The following GALNT18 variants were observed in gnomAD, a reference collection of about 807,000 sequenced individuals.
GALNT18 encodes the protein GalNAc-transferase 18.
GALNT18 carries 44 observed loss-of-function variants against 69.5 expected under a neutral mutation model. The observed-to-expected ratio is 0.63, with a 90% CI of 0.50 to 0.81. GALNT18 has a LOEUF of 0.81. GALNT18 is among the 40% of genes least tolerant of loss of function. The pLI, the probability that GALNT18 is intolerant of heterozygous loss-of-function variation, is 0.00. For synonymous variants in GALNT18, 364 were observed against 318.2 expected (o/e 1.14, Z -1.53); for missense variants, 715 against 810.0 (o/e 0.88, Z 1.42).
rs1853940415 is a variant in GALNT18, at chr11:11,382,294, T to C, written c.596-3030A>G. 6.6e-6 allele frequency among the ~76,000 whole-genome samples: 1 copy of C among 152,242 alleles called. No individual in the cohort carries two copies. Among genetic ancestry groups the C allele is most frequent in the Admixed American group, 6.5e-5 (1 of 15,282 alleles). ...ACCCTAGATGATACTGGCTCTGTCT[T>C]TGCAAAGTACCTTTACTTAATTAGG... On this transcript the variant is annotated intron_variant, in intron 3 of 10. Transcript: ENST00000227756. The surrounding 1 kb of genome is among the most constrained non-coding windows in gnomAD (Gnocchi z 4.3).
chr11:11,312,620 A>G (rs569109111), intron 9 of GALNT18, among the ~76,000 whole-genome samples: 5 of 152,280 alleles, frequency 3.3e-5, no homozygotes, highest in Non-Finnish European at 5.9e-5. Flanking sequence ...TCAAGGGTCA[A>G]TTGTATCCCT....
At chr11:11,578,955 A>T (rs1859000494) in intron 1 of GALNT18, among the ~76,000 whole-genome samples, 1 of 152,172 alleles carries the variant, frequency 6.6e-6, no homozygotes, top group Admixed American at 6.5e-5. Flanking sequence ...CCCAAAAGGG[A>T]TGGGGTGGCC....
At chr11:11,353,257 C>A in intron 6 of GALNT18, 1 of 1,019,424 alleles carries the variant, frequency 9.8e-7, no homozygotes, top group Non-Finnish European at 1.5e-6. Context: ...GCGGCTGTGG[C>A]CGCTCTCCCT....
chr11:11,480,974 T>C lies in GALNT18; in HGVS notation c.236-32038A>G, dbSNP rs1349979603. Among the ~76,000 whole-genome samples the C allele has an allele frequency of 6.6e-6, 1 of 152,130 alleles. No homozygotes were observed. The highest frequency in any genetic ancestry group is 1.5e-5 in the Non-Finnish European group (1 of 68,026). The stretch of plus-strand genomic sequence containing the variant: ...TGGGGAGCCCTTCTTTGTGGACACA[T>C]CCCAGGACTGATGTGCCATAGGAAA... On this transcript the variant is annotated intron_variant, in intron 1 of 10. Transcript: ENST00000227756. This position sits in a 1 kb window ranked among gnomAD's most constrained non-coding sequence, Gnocchi z 4.6.
rs1445000854 is a variant in GALNT18 at position 11,348,790 on chromosome 11, A to G, written c.1093-7786T>C. Among the ~76,000 whole-genome samples, 8 of 151,918 alleles carry G rather than the reference A, an allele frequency of 5.3e-5. 1 individual carries two copies. Among genetic ancestry groups the G allele is most frequent in the Non-Finnish European group, 7.4e-5 (5 of 67,972 alleles). ...TTATTTCCCTTGCTAATTCCCACCT[A>G]CCTTCCCTGGCTGCCCTAGTTTTGG... On this transcript the variant is annotated intron_variant, in intron 6 of 10. Coordinates refer to ENST00000227756, the MANE Select transcript of GALNT18 (RefSeq NM_198516.3).
chr11:11,409,729 G>A (rs1227715364), intron 3 of GALNT18, among the ~76,000 whole-genome samples: 1 of 151,660 alleles, frequency 6.6e-6, no homozygotes, highest in Admixed American at 6.6e-5. Context: ...TTCTAGCTTT[G>A]TCCCCAAATT....
chr11:11,460,087 T>G (rs958387599), intron 1 of GALNT18, among the ~76,000 whole-genome samples: 2 of 152,176 alleles, frequency 1.3e-5, no homozygotes, highest in Admixed American at 6.5e-5. Context: ...CAAGGACCCC[T>G]ACGGTTGCGT....
intron 10 of GALNT18, among the ~76,000 whole-genome samples, chr11:11,284,264 G>C (rs183848382): frequency 5.3e-5 from 8 of 152,358 alleles, no homozygotes; most frequent in Middle Eastern, 3.4e-3. Flanking sequence ...AAGTGTGTCT[G>C]TGGTGCCTAC....
chr11:11,552,367 T>C lies in GALNT18; in HGVS notation c.235+68992A>G, dbSNP rs556342208. ...GACATCCACATTATCACTCATCATGTTGTATCAAAGTTATCTTTGAGCCTT... is the reference window on the plus strand; with the variant it reads ...GACATCCACATTATCACTCATCATGCTGTATCAAAGTTATCTTTGAGCCTT... On this transcript the variant is annotated intron_variant, in intron 1 of 10. Coordinates refer to ENST00000227756, the MANE Select transcript of GALNT18 (RefSeq NM_198516.3). Among the ~76,000 whole-genome samples, 280 of 152,380 alleles carry C rather than the reference T, an allele frequency of 1.8e-3. 3 individuals are homozygous for C. Among genetic ancestry groups the C allele is most frequent in the African/African-American group, 6.6e-3 (275 of 41,590 alleles).
chr11:11,420,220 G>A (rs934066710), intron 3 of GALNT18, among the ~76,000 whole-genome samples: 3 of 152,126 alleles, frequency 2.0e-5, no homozygotes, highest in Admixed American at 6.5e-5. Flanking sequence ...ATGCAGCACA[G>A]GGGAGCCCAT....
intron 3 of GALNT18, among the ~76,000 whole-genome samples, chr11:11,391,726 G>T: frequency 6.6e-6 from 1 of 152,348 alleles, no homozygotes. Context: ...GCAGTCATTG[G>T]TTAAGGACTG....
intron 1 of GALNT18, among the ~76,000 whole-genome samples, chr11:11,506,032 A>C (rs1360461813): frequency 6.6e-6 from 1 of 152,208 alleles, no homozygotes; most frequent in Non-Finnish European, 1.5e-5. Flanking sequence ...ACCCTGCAGC[A>C]ACTTGTAATG....
chr11:11,576,300 T>G (rs1159670741), intron 1 of GALNT18, among the ~76,000 whole-genome samples: 4 of 152,234 alleles, frequency 2.6e-5, no homozygotes, highest in African/African-American at 9.6e-5. Context: ...CAGAGCCATC[T>G]TGGTTTCACA....
chr11:11,468,745 T>C (rs1401356813), intron 1 of GALNT18, among the ~76,000 whole-genome samples: 1 of 152,052 alleles, frequency 6.6e-6, no homozygotes, highest in Non-Finnish European at 1.5e-5. Flanking sequence ...CTAATGCTGG[T>C]CTACCACTCC....
intron 1 of GALNT18, among the ~76,000 whole-genome samples, chr11:11,456,742 G>A (rs914226276): frequency 6.6e-6 from 1 of 152,208 alleles, no homozygotes; most frequent in African/African-American, 2.4e-5. Flanking sequence ...CACTCACTCA[G>A]GTCATTTGCT....
rs1466363866 is a variant in GALNT18, at chr11:11,620,242, C to T, written c.235+1117G>A. On this transcript the variant is annotated intron_variant, in intron 1 of 10. Transcript: ENST00000227756. The surrounding 1 kb of genome is among the most constrained non-coding windows in gnomAD (Gnocchi z 6.9). ...GCTAGGTTTACAGGGGAACCAAGCT[C>T]GGCCCTGCCCTTAAGAAGCTCACAC... Among the ~76,000 whole-genome samples the T allele has an allele frequency of 6.6e-6, 1 of 152,060 alleles. No homozygotes were observed. The highest frequency in any genetic ancestry group is 1.5e-5 in the Non-Finnish European group (1 of 67,994).
In GALNT18 at chr11:11,582,162, G is replaced by C. The variant is rs910306939; in HGVS notation, c.235+39197C>G. 9.9e-5 allele frequency among the ~76,000 whole-genome samples: 15 copies of C among 152,178 alleles called. No individual in the cohort carries two copies. The highest frequency in any genetic ancestry group is 3.6e-4 in the African/African-American group (15 of 41,436). ...GGAAGAGGGCTGAACAAAGTGAAGA[G>C]GGCATTCCCGAAAGAGGAAAGAGCA... On this transcript the variant is annotated intron_variant, in intron 1 of 10. Transcript: ENST00000227756. This position sits in a 1 kb window ranked among gnomAD's most constrained non-coding sequence, Gnocchi z 5.0.
rs1158290164 is a variant in GALNT18, at chr11:11,620,351, A to ATGTGTGTG, written c.235+1007_235+1008insCACACACA. On this transcript the variant is annotated intron_variant, in intron 1 of 10. Transcript: ENST00000227756. The surrounding 1 kb of genome is among the most constrained non-coding windows in gnomAD (Gnocchi z 6.9). ...CGCGCGCGTGTGTGTGTGTGTGTGC[A>ATGTGTGTG]CACCCGGCACCAGTGCTCCTGGCGC... is the stretch of plus-strand genomic sequence containing the variant. Among the ~76,000 whole-genome samples, 379 of 151,314 alleles carry ATGTGTGTG rather than the reference A, an allele frequency of 2.5e-3. No individual in the cohort carries two copies. Among genetic ancestry groups the ATGTGTGTG allele is most frequent in the African/African-American group, 8.2e-3 (337 of 41,042 alleles).
In GALNT18 at chr11:11,598,699, G is replaced by T. The variant is rs566308697; in HGVS notation, c.235+22660C>A. 6.6e-6 allele frequency among the ~76,000 whole-genome samples: 1 copy of T among 152,068 alleles called. No individual in the cohort carries two copies. Among genetic ancestry groups the T allele is most frequent in the African/African-American group, 2.4e-5 (1 of 41,408 alleles). Reference sequence around the variant, plus strand: ...CAACCTATCACAGCTAGGTAATTAAGATATTTTTTCTTTTTCAATATAGAC... The same window carrying T: ...CAACCTATCACAGCTAGGTAATTAATATATTTTTTCTTTTTCAATATAGAC... On this transcript the variant is annotated intron_variant, in intron 1 of 10. Transcript: ENST00000227756. This position sits in a 1 kb window ranked among gnomAD's most constrained non-coding sequence, Gnocchi z 4.8.
Sources: allele counts gnomAD v4.1 joint callset (sites outside exome capture counted in the v4.1 genomes callset), GRCh38; gene constraint gnomAD v4.1.1; non-coding constraint Gnocchi (gnomAD v3.1); transcripts MANE v1.5; gene names NCBI Gene and HGNC (gene_info 2026-07-23, HGNC 2026-07-21).